Variants in ALKBH5 observed in about 807,000 individuals in gnomAD.
ALKBH5 encodes the protein alkB homolog 5, RNA demethylase, also known as RNA demethylase ALKBH5.
A neutral mutation model predicts 32.1 loss-of-function variants in ALKBH5; 2 were observed. That is an observed-to-expected ratio of 0.06 (90% CI 0.03 to 0.20). The LOEUF (loss-of-function observed/expected upper bound fraction) is 0.20, where lower values mean the gene tolerates loss of function less well. Ranked by LOEUF, ALKBH5 falls within the 10% of genes least tolerant of loss-of-function variation. ALKBH5 has a pLI of 1.00. For synonymous variants in ALKBH5, 300 were observed against 231.7 expected, an observed-to-expected ratio of 1.29 and a Z score of -2.68; for missense variants, 352 against 559.5, an observed-to-expected ratio of 0.63 and a Z score of 3.74.
At chr17:18,203,096 TTAAA>T (rs2047251312) in intron 2 of ALKBH5, among the ~76,000 whole-genome samples, 2 of 151,074 alleles carry the variant, frequency 1.3e-5, no homozygotes, top group South Asian at 4.2e-4. Flanking sequence ...AAAAAAGAGT[TTAAA>T]TAGGGACAAG....
At position 18,190,740 on chromosome 17, in the gene ALKBH5, G is replaced by A. The variant is rs1037812484; in HGVS notation, c.771-4215G>A. Among the ~76,000 whole-genome samples the A allele has an allele frequency of 8.5e-5, 13 of 152,234 alleles. 1 individual carries two copies. In the South Asian group the frequency reaches 2.3e-3, roughly 27 times the overall value. On this transcript the variant is annotated intron_variant, in intron 1 of 3. Coordinates refer to ENST00000399138, the MANE Select transcript of ALKBH5 (RefSeq NM_017758.4). ...ATGAGTAAGGCCTTTGAAGAGCTTT[G>A]TCTTGAAGGGAAGACACAATTTCCA...
chr17:18,190,481 A>G (rs1316528913), intron 1 of ALKBH5, among the ~76,000 whole-genome samples: 2 of 150,082 alleles, frequency 1.3e-5, no homozygotes, highest in Admixed American at 6.7e-5. Context: ...CCCAGGAGCT[A>G]GAGGTTGCAG....
At chr17:18,192,322 C>G (rs1345433428) in intron 1 of ALKBH5, among the ~76,000 whole-genome samples, 1 of 152,220 alleles carries the variant, frequency 6.6e-6, no homozygotes, top group Non-Finnish European at 1.5e-5. Flanking sequence ...CTCACCACCC[C>G]TTTCCAGGAG....
chr17:18,183,932 G>C lies in ALKBH5; in HGVS notation c.-312G>C, dbSNP rs1271751447. On this transcript the variant is annotated 5_prime_UTR_variant, in exon 1 of 4. Transcript: ENST00000399138. Reference sequence around the variant, plus strand: ...GCCGGGCCGGGCGTCCGAGGGTCTGGTCGGGAGTCGGGCCGCGTCTCCGCA... The same window carrying C: ...GCCGGGCCGGGCGTCCGAGGGTCTGCTCGGGAGTCGGGCCGCGTCTCCGCA... 7 of 569,160 alleles carry C rather than the reference G, an allele frequency of 1.2e-5. No individual in the cohort carries two copies. Among genetic ancestry groups the C allele is most frequent in the Non-Finnish European group, 2.3e-5 (7 of 304,858 alleles). The allele number at this position is 569,160 out of a possible 1,614,324, so 35.3% of individuals were successfully genotyped here. A position where few individuals can be genotyped will look rare whatever the true frequency, so the allele number is the denominator to read the frequency against.
chr17:18,209,763 AAG>A lies in ALKBH5; in HGVS notation c.*1369_*1370del, dbSNP rs2047293848. Reference sequence around the variant, plus strand: ...GCAGAAATCTGGGGCAGCCACCATCAAGAAGCCCCTCTCAGGGGCCAGAACTC... The same window carrying A: ...GCAGAAATCTGGGGCAGCCACCATCAAAGCCCCTCTCAGGGGCCAGAACTC... On this transcript the variant is annotated 3_prime_UTR_variant, in exon 4 of 4. Coordinates refer to ENST00000399138, the MANE Select transcript of ALKBH5 (RefSeq NM_017758.4). 1 of 152,608 alleles carries A rather than the reference AAG, an allele frequency of 6.6e-6. No individual in the cohort carries two copies. Among genetic ancestry groups the A allele is most frequent in the Non-Finnish European group, 1.5e-5 (1 of 68,040 alleles). The allele number at this position is 152,608 out of a possible 1,614,324, so 9.5% of individuals were successfully genotyped here.
chr17:18,194,386 T>G (rs2047194504), intron 1 of ALKBH5, among the ~76,000 whole-genome samples: 1 of 152,180 alleles, frequency 6.6e-6, no homozygotes, highest in Admixed American at 6.5e-5. Flanking sequence ...ACTCCTGATT[T>G]CAGGTGATCC....
intron 1 of ALKBH5, among the ~76,000 whole-genome samples, chr17:18,191,471 GA>G (rs1284392712): frequency 6.6e-6 from 1 of 152,208 alleles, no homozygotes; most frequent in Non-Finnish European, 1.5e-5. Flanking sequence ...CCCTTTGGGG[GA>G]TGGGGTCAGG....
At position 18,184,342 on chromosome 17, in the gene ALKBH5, TGCCGCAGCCGCCGTAGCC is replaced by T. The variant is rs1157823270; in HGVS notation, c.111_128del (p.Val38_Ala43del). The T allele has an allele frequency of 1.3e-5, 19 of 1,511,878 alleles. No individual in the cohort carries two copies. In the East Asian group the frequency reaches 1.3e-4, roughly 10 times the overall value. 93.7% of individuals were successfully genotyped at this position (1,511,878 alleles called of 1,614,324 possible). A position where few individuals can be genotyped will look rare whatever the true frequency, so the allele number is the denominator to read the frequency against. ...CGGGCAGCCGGGAGGCCGCCGCCGCTGCCGCAGCCGCCGTAGCCGCCGCAGCCGCAGCCGCCGCTGCCG... is the reference window on the plus strand; with the variant it reads ...CGGGCAGCCGGGAGGCCGCCGCCGCTGCCGCAGCCGCAGCCGCCGCTGCCG... On this transcript the variant is annotated inframe_deletion, in exon 1 of 4. Transcript: ENST00000399138.
rs2142493640 is a variant in ALKBH5, at chr17:18,208,584, G to T, written c.*188G>T. On this transcript the variant is annotated 3_prime_UTR_variant, in exon 4 of 4. Transcript: ENST00000399138. The stretch of plus-strand genomic sequence containing the variant: ...GAAGAATAGAATTGGCCAGGACCTA[G>T]GTTCTCATATTCTTGGTATTCCTCC... The T allele has an allele frequency of 1.4e-6, 1 of 738,470 alleles. No individual in the cohort carries two copies. 45.7% of individuals were successfully genotyped at this position (738,470 alleles called of 1,614,324 possible).
rs772033885 is a variant in ALKBH5, at chr17:18,206,931, A to G, written c.968A>G (p.Lys323Arg). 1.9e-6 allele frequency: 3 copies of G among 1,614,126 alleles called. 1 individual carries two copies. The highest frequency in any genetic ancestry group is 4.5e-5 in the East Asian group (2 of 44,890). The change falls in exon 3 of 4, where the codon AAG becomes AGG. Residue 323 changes from lysine to arginine, a missense_variant. Physicochemically the swap from Lys to Arg is conservative, Grantham distance 26. This residue lies in a region of ALKBH5 where 124 missense variants were observed against 142.4 expected (regional missense o/e 0.87). Coordinates refer to ENST00000399138, the MANE Select transcript of ALKBH5 (RefSeq NM_017758.4). ...GNNRDPALKP[K>R]RSHRKADPDA... Reference sequence around the variant, plus strand: ...AACAGGGACCCTGCTCTGAAACCCAAGCGGTCCCACCGCAAGGCAGACCCT... The same window carrying G: ...AACAGGGACCCTGCTCTGAAACCCAGGCGGTCCCACCGCAAGGCAGACCCT...
intron 1 of ALKBH5, among the ~76,000 whole-genome samples, chr17:18,187,532 A>G (rs1363755420): frequency 6.6e-6 from 1 of 152,176 alleles, no homozygotes; most frequent in Non-Finnish European, 1.5e-5. Flanking sequence ...TTTTATGACA[A>G]CCAGAAAGTG....
At chr17:18,207,607 G>T (rs1353628456) in intron 3 of ALKBH5, among the ~76,000 whole-genome samples, 1 of 151,734 alleles carries the variant, frequency 6.6e-6, no homozygotes, top group East Asian at 1.9e-4. Context: ...AGCTGGCAGT[G>T]ACCCGAGATG....
At chr17:18,185,100 T>G (rs971170332) in intron 1 of ALKBH5, 87 bp downstream of exon 1, 28 of 1,525,836 alleles carry the variant, frequency 1.8e-5, no homozygotes, top group Non-Finnish European at 2.4e-5. Context: ...CGTAGGAGTC[T>G]GCGTTTTTTA....
intron 1 of ALKBH5, among the ~76,000 whole-genome samples, chr17:18,194,195 G>A (rs1453399451): frequency 6.6e-6 from 1 of 151,944 alleles, no homozygotes; most frequent in Non-Finnish European, 1.5e-5. Flanking sequence ...GTCTCGCTCT[G>A]TTGCCCAGGT....
intron 1 of ALKBH5, among the ~76,000 whole-genome samples, chr17:18,186,413 G>T (rs78386556): frequency 0.019 from 2,952 of 152,238 alleles, 96 homozygotes; most frequent in African/African-American, 0.067. Flanking sequence ...CCCATTGACG[G>T]GTTCTCAGTG....
chr17:18,192,848 CTT>C (rs1470558793), intron 1 of ALKBH5, among the ~76,000 whole-genome samples: 3 of 129,798 alleles, frequency 2.3e-5, no homozygotes, highest in Non-Finnish European at 3.3e-5. Flanking sequence ...CGTCCACTGT[CTT>C]TTTCTTTTTT....
intron 1 of ALKBH5, among the ~76,000 whole-genome samples, chr17:18,188,297 G>C (rs1054553830): frequency 6.6e-6 from 1 of 152,220 alleles, no homozygotes; most frequent in African/African-American, 2.4e-5. Flanking sequence ...TCACTGCTAC[G>C]TGGTCTGTGG....
In ALKBH5 at chr17:18,194,454, G is replaced by A. The variant is rs1164671067; in HGVS notation, c.771-501G>A. 3.3e-5 allele frequency among the ~76,000 whole-genome samples: 5 copies of A among 152,114 alleles called. No individual in the cohort carries two copies. In the South Asian group the frequency reaches 8.3e-4, roughly 25 times the overall value. Reference sequence around the variant, plus strand: ...CAGGCATGAGCCATCACGCCCAGCCGGAAATTCTTAAAATATTCAAACACA... The same window carrying A: ...CAGGCATGAGCCATCACGCCCAGCCAGAAATTCTTAAAATATTCAAACACA... On this transcript the variant is annotated intron_variant, in intron 1 of 3. Transcript: ENST00000399138.
intron 1 of ALKBH5, among the ~76,000 whole-genome samples, chr17:18,186,704 A>G (rs757556363): frequency 5.9e-5 from 9 of 152,226 alleles, no homozygotes; most frequent in African/African-American, 1.2e-4. Context: ...TCTTTTCCTC[A>G]GAATAGTAAA....
Sources: allele counts gnomAD v4.1 joint callset (sites outside exome capture counted in the v4.1 genomes callset), GRCh38; gene constraint gnomAD v4.1.1; regional missense constraint gnomAD v4.1.1; transcripts MANE v1.5; gene names NCBI Gene and HGNC (gene_info 2026-07-23, HGNC 2026-07-21).